The following SLC8A1 variants were observed in gnomAD, a reference collection of about 807,000 sequenced individuals.
SLC8A1 encodes the protein solute carrier family 8 member A1.
A neutral mutation model predicts 68.3 loss-of-function variants in SLC8A1; 18 were observed. The ratio of observed to expected loss-of-function variants is 0.26; its 90% CI spans 0.18 to 0.39. The LOEUF is 0.39. Among genes scored for constraint, SLC8A1 ranks in the 10% least tolerant of loss-of-function variants. The probability of loss-of-function intolerance (pLI) is 1.00; values close to 1 mark genes in which losing one functional copy is unlikely to be tolerated. For synonymous variants in SLC8A1, 475 were observed against 415.5 expected (o/e 1.14, Z -1.74); for missense variants, 985 against 1,156.7 (o/e 0.85, Z 2.15).
chr2:40,458,931 T>C (rs1335394928), intron 1 of SLC8A1, among the ~76,000 whole-genome samples: 1 of 152,198 alleles, frequency 6.6e-6, no homozygotes, highest in African/African-American at 2.4e-5. Flanking sequence ...CAAGCAACTC[T>C]TATTAAAGGA....
intron 2 of SLC8A1, among the ~76,000 whole-genome samples, chr2:40,396,591 G>T (rs1686964452): frequency 6.6e-6 from 1 of 151,580 alleles, no homozygotes. Context: ...GGAAAAACTA[G>T]TTGGCAATGA....
intron 2 of SLC8A1, among the ~76,000 whole-genome samples, chr2:40,385,510 A>AGAG (rs1559476964): frequency 2.0e-5 from 3 of 150,384 alleles, no homozygotes; most frequent in African/African-American, 7.5e-5. Flanking sequence ...GGAGATTTAT[A>AGAG]ATAAACACGG....
rs151037383 is a variant in SLC8A1, at chr2:40,296,485, G to A, written c.1809-118630C>T. Among the ~76,000 whole-genome samples, 49 of 152,102 alleles carry A rather than the reference G, an allele frequency of 3.2e-4. 1 individual carries two copies. In the East Asian group the frequency reaches 9.3e-3, roughly 29 times the overall value. ...AAATAAAGTAAGTCATAGGGAACTG[G>A]GCATAATTGAAGTTCCCAAAGCCAA... On this transcript the variant is annotated intron_variant, in intron 2 of 7. Transcript: ENST00000406785.
intron 2 of SLC8A1, among the ~76,000 whole-genome samples, chr2:40,239,098 G>A (rs1342368670): frequency 2.0e-5 from 3 of 151,512 alleles, no homozygotes; most frequent in African/African-American, 7.3e-5. Flanking sequence ...ATTTAGTAAA[G>A]TTTGCCAACT....
chr2:40,168,711 T>G (rs1222344927), intron 4 of SLC8A1, among the ~76,000 whole-genome samples: 1 of 152,234 alleles, frequency 6.6e-6, no homozygotes, highest in Non-Finnish European at 1.5e-5. Flanking sequence ...GCAGATCATT[T>G]TACTATGGTT....
intron 1 of SLC8A1, among the ~76,000 whole-genome samples, chr2:40,461,040 T>C (rs572415456): frequency 1.7e-4 from 26 of 152,276 alleles, no homozygotes; most frequent in African/African-American, 5.8e-4. Context: ...AGGAAGAATA[T>C]AGCCATTTTT....
intron 2 of SLC8A1, among the ~76,000 whole-genome samples, chr2:40,199,974 G>C (rs1390676294): frequency 1.3e-5 from 2 of 149,606 alleles, no homozygotes; most frequent in Non-Finnish European, 3.0e-5. Context: ...TCATAACAAA[G>C]TCAGCTTATA....
chr2:40,277,755 C>T (rs747434754), intron 2 of SLC8A1, among the ~76,000 whole-genome samples: 10 of 136,502 alleles, frequency 7.3e-5, no homozygotes, highest in Non-Finnish European at 1.1e-4. Flanking sequence ...AAGCAATATA[C>T]GTACATATAA....
intron 1 of SLC8A1, among the ~76,000 whole-genome samples, chr2:40,488,245 A>C (rs2149920522): frequency 6.6e-6 from 1 of 151,482 alleles, no homozygotes; most frequent in South Asian, 2.1e-4. Flanking sequence ...AAAAAGACTG[A>C]AACAAAAGTA....
chr2:40,202,231 C>G (rs2054518100), intron 2 of SLC8A1, among the ~76,000 whole-genome samples: 1 of 151,908 alleles, frequency 6.6e-6, no homozygotes, highest in African/African-American at 2.4e-5. Context: ...ATTTTTTATG[C>G]TATCCTCTCC....
chr2:40,200,222 T>TATATATATATATAAATATATATA (rs1558722368), intron 2 of SLC8A1, among the ~76,000 whole-genome samples: 1 of 5,176 alleles, frequency 1.9e-4, no homozygotes, highest in African/African-American at 4.7e-4. Flanking sequence ...ATATATATTT[T>TATATATATATATAAATATATATA]TTTATATATA....
chr2:40,499,578 G>A (rs190630657), intron 1 of SLC8A1, among the ~76,000 whole-genome samples: 8 of 152,098 alleles, frequency 5.3e-5, no homozygotes, highest in Non-Finnish European at 8.8e-5. Flanking sequence ...CTGTGAGTTG[G>A]TGACAGTTCC....
intron 1 of SLC8A1, among the ~76,000 whole-genome samples, chr2:40,478,031 A>G (rs1704397580): frequency 6.6e-6 from 1 of 152,180 alleles, no homozygotes; most frequent in Non-Finnish European, 1.5e-5. Context: ...ATAGGTTTTG[A>G]CATCAAACTG....
rs72794768 is a variant in SLC8A1, at chr2:40,245,810, C to A, written c.1809-67955G>T. ...GACATCATGTTCAGTTTCTAAGCTA[C>A]AATTAAATCTCGTAGAATGGTAAGA... is the stretch of plus-strand genomic sequence containing the variant. On this transcript the variant is annotated intron_variant, in intron 2 of 7. Coordinates refer to ENST00000406785, the Ensembl canonical transcript of SLC8A1. Among the ~76,000 whole-genome samples the A allele has an allele frequency of 8.4e-3, 1,278 of 152,194 alleles. 7 individuals carry two copies. Among genetic ancestry groups the A allele is most frequent in the Non-Finnish European group, 0.013 (909 of 68,020 alleles).
chr2:40,335,282 T>C (rs192097337), intron 2 of SLC8A1, among the ~76,000 whole-genome samples: 1 of 152,344 alleles, frequency 6.6e-6, no homozygotes, highest in East Asian at 1.9e-4. Flanking sequence ...AGTTTAGCAA[T>C]GTGCTCATAT....
chr2:40,313,478 A>G (rs971557162), intron 2 of SLC8A1, among the ~76,000 whole-genome samples: 11 of 152,104 alleles, frequency 7.2e-5, no homozygotes, highest in African/African-American at 2.4e-4. Context: ...TTTTAAAAAA[A>G]CGGTCTCCTA....
intron 2 of SLC8A1, among the ~76,000 whole-genome samples, chr2:40,423,228 C>G (rs1209055058): frequency 1.3e-5 from 2 of 151,960 alleles, no homozygotes; most frequent in Non-Finnish European, 2.9e-5. Context: ...GGTATGAGTC[C>G]ATCTTACAAT....
At chr2:40,313,096 G>C (rs375110432) in intron 2 of SLC8A1, among the ~76,000 whole-genome samples, 1 of 152,050 alleles carries the variant, frequency 6.6e-6, no homozygotes, top group African/African-American at 2.4e-5. Flanking sequence ...CTCTTCTCTA[G>C]CTATTCCCTC....
intron 2 of SLC8A1, among the ~76,000 whole-genome samples, chr2:40,337,820 A>G (rs961884020): frequency 6.6e-6 from 1 of 152,192 alleles, no homozygotes; most frequent in African/African-American, 2.4e-5. Context: ...GAAGTACAGG[A>G]TAAACATTAC....
Sources: allele counts gnomAD v4.1 joint callset (sites outside exome capture counted in the v4.1 genomes callset), GRCh38; gene constraint gnomAD v4.1.1; transcripts MANE v1.5; gene names NCBI Gene and HGNC (gene_info 2026-07-23, HGNC 2026-07-21).